Variants in PAAF1 observed in about 807,000 individuals in gnomAD.
PAAF1 encodes the protein proteasomal ATPase associated factor 1.
Under a neutral mutation model 52.8 loss-of-function variants are expected in PAAF1, and 46 were observed. The observed-to-expected ratio is 0.87, with a 90% CI of 0.69 to 1.11. The LOEUF is 1.11. Ranked by LOEUF, PAAF1 falls within the 50% of genes most tolerant of loss-of-function variation. PAAF1 has a pLI of 0.00. For synonymous variants in PAAF1, 178 were observed against 172.8 expected (o/e 1.03, Z -0.24); for missense variants, 424 against 477.4 (o/e 0.89, Z 1.04).
intron 9 of PAAF1, 95 bp from the exon 10 acceptor site, chr11:73,918,855 T>C (rs772972908): frequency 4.7e-6 from 4 of 843,958 alleles, no homozygotes; most frequent in Non-Finnish European, 7.7e-6. Context: ...CATTTTATCC[T>C]GTTTGCTCTT....
At chr11:73,911,192 G>T (rs1362169837) in intron 7 of PAAF1, among the ~76,000 whole-genome samples, 2 of 151,990 alleles carry the variant, frequency 1.3e-5, no homozygotes, top group African/African-American at 4.8e-5. Context: ...ATCCTATAGG[G>T]TCTGACAAGT....
In PAAF1 at chr11:73,909,501, G is replaced by A. The variant is rs751674448; in HGVS notation, c.635G>A (p.Gly212Glu). The A allele has an allele frequency of 1.9e-6, 3 of 1,614,216 alleles. No individual in the cohort carries two copies. Among genetic ancestry groups the A allele is most frequent in the Non-Finnish European group, 2.5e-6 (3 of 1,180,036 alleles). Residue 212 changes from glycine (G) to glutamate (E), a missense_variant, in exon 7 of 12, where the codon GGA becomes GAA. Transcript: ENST00000310571. ...LWDCGRSACLGVLADCGSSIN... is the reference protein window; with the variant it reads ...LWDCGRSACLEVLADCGSSIN... ...GATTGTGGGCGCTCAGCCTGCTTGGGAGTCCTTGCAGATTGTGGTTCTTCT... is the reference window on the plus strand; with the variant it reads ...GATTGTGGGCGCTCAGCCTGCTTGGAAGTCCTTGCAGATTGTGGTTCTTCT...
chr11:73,917,734 T>G (rs1246677407), intron 9 of PAAF1, among the ~76,000 whole-genome samples: 2 of 152,166 alleles, frequency 1.3e-5, no homozygotes, highest in Non-Finnish European at 2.9e-5. Flanking sequence ...TAGCTGGGCA[T>G]GGTGGCACGT....
intron 3 of PAAF1, chr11:73,889,361 C>A: frequency 1.7e-6 from 1 of 589,676 alleles, no homozygotes; most frequent in Non-Finnish European, 2.6e-6. Flanking sequence ...GCTTAAATGT[C>A]TAACCCTGGA....
intron 4 of PAAF1, among the ~76,000 whole-genome samples, chr11:73,893,719 A>G (rs1949264458): frequency 2.0e-5 from 3 of 148,096 alleles, no homozygotes; most frequent in South Asian, 2.2e-4. Flanking sequence ...CCTGGGAGAC[A>G]AAAGTGAAAC....
At chr11:73,900,100 T>A (rs1949555454) in intron 5 of PAAF1, among the ~76,000 whole-genome samples, 170 bp from the exon 6 acceptor site, 1 of 152,096 alleles carries the variant, frequency 6.6e-6, no homozygotes, top group African/African-American at 2.4e-5. Flanking sequence ...TTTAGAACAC[T>A]GCCTGCTAGA....
At chr11:73,881,013 T>C (rs879387022) in intron 2 of PAAF1, among the ~76,000 whole-genome samples, 10 of 151,858 alleles carry the variant, frequency 6.6e-5, no homozygotes, top group Non-Finnish European at 1.3e-4. Flanking sequence ...AATAAATAAA[T>C]AAATAAAATA....
chr11:73,887,421 A>G lies in PAAF1; in HGVS notation c.156A>G (p.Thr52=). 6.2e-7 allele frequency: 1 copy of G among 1,609,936 alleles called. No individual in the cohort carries two copies. Residue 52 remains threonine, a synonymous_variant, in exon 3 of 12, where the codon ACA becomes ACG. Coordinates refer to ENST00000310571, the MANE Select transcript of PAAF1 (RefSeq NM_025155.3). ...GCCTAGATGGCATCCCAGAGGTTAC[A>G]GCTTCAGAAGGATTTACTGTGAATG... ...GIGLDGIPEV[T]ASEGFTVNEI...
At chr11:73,921,564 A>G (rs1218981768) in intron 10 of PAAF1, 3 of 556,016 alleles carry the variant, frequency 5.4e-6, no homozygotes, top group Admixed American at 4.6e-5. Flanking sequence ...TCTCTTCTGT[A>G]TAAAACTTTA....
At chr11:73,890,723 T>A (rs886369884) in intron 3 of PAAF1, among the ~76,000 whole-genome samples, 1 of 152,366 alleles carries the variant, frequency 6.6e-6, no homozygotes, top group East Asian at 1.9e-4. Flanking sequence ...AGTTTCCTTA[T>A]ATCTCTTTAT....
chr11:73,926,777 A>G (rs1950373591), intron 11 of PAAF1, among the ~76,000 whole-genome samples: 1 of 152,160 alleles, frequency 6.6e-6, no homozygotes, highest in African/African-American at 2.4e-5. Flanking sequence ...CATTGTACAA[A>G]TGAGGCAACT....
intron 6 of PAAF1, among the ~76,000 whole-genome samples, chr11:73,900,970 A>C (rs1453936952): frequency 8.2e-6 from 1 of 122,220 alleles, no homozygotes; most frequent in Non-Finnish European, 1.6e-5. Flanking sequence ...CGACAGAGCG[A>C]GACTCCGTCT....
In PAAF1 at chr11:73,898,641, ACT is replaced by A. The variant is rs138170812; in HGVS notation, c.283-502_283-501del. Among the ~76,000 whole-genome samples the A allele has an allele frequency of 2.3e-3, 352 of 152,048 alleles. 1 individual carries two copies. Among genetic ancestry groups the A allele is most frequent in the African/African-American group, 8.1e-3 (337 of 41,484 alleles). On this transcript the variant is annotated intron_variant, in intron 4 of 11. Transcript: ENST00000310571. Reference sequence around the variant, plus strand: ...AGACTAACTTGGGCAACATGGTGAAACTCTGTCTCTACCGAAAAATACAGAAA... The same window carrying A: ...AGACTAACTTGGGCAACATGGTGAAACTGTCTCTACCGAAAAATACAGAAA...
intron 2 of PAAF1, among the ~76,000 whole-genome samples, chr11:73,884,612 G>A (rs540270550): frequency 5.3e-5 from 8 of 152,162 alleles, no homozygotes; most frequent in Non-Finnish European, 8.8e-5. Flanking sequence ...AACACAATAG[G>A]GAATCATGGA....
intron 6 of PAAF1, among the ~76,000 whole-genome samples, chr11:73,906,777 C>G (rs1055082578): frequency 6.6e-6 from 1 of 152,134 alleles, no homozygotes; most frequent in African/African-American, 2.4e-5. Context: ...TTGTACGTTA[C>G]GCTGAGTTGC....
At chr11:73,899,060 T>A (rs992731561) in intron 4 of PAAF1, 86 bp from the exon 5 acceptor site, 19 of 1,064,872 alleles carry the variant, frequency 1.8e-5, no homozygotes, top group Non-Finnish European at 2.5e-5. Context: ...CTTGGAAGAG[T>A]GAAAAAAGGG....
Position 73,909,538 on chromosome 11 carries a change from G to A in PAAF1, c.672G>A (p.Val224=). 6.2e-7 allele frequency: 1 copy of A among 1,614,174 alleles called. No individual in the cohort carries two copies. The highest frequency in any genetic ancestry group is 1.3e-5 in the African/African-American group (1 of 75,044). The part of the protein sequence containing the change: ...LADCGSSING[V]AVGAADNSIN... ...ATTGTGGTTCTTCTATCAATGGAGT[G>A]GCGGTGGGTGCTGCTGACAACTCCA... is the stretch of plus-strand genomic sequence containing the variant. Residue 224 remains valine, a synonymous_variant, in exon 7 of 12, where the codon GTG becomes GTA. Coordinates refer to ENST00000310571, the MANE Select transcript of PAAF1 (RefSeq NM_025155.3).
At chr11:73,914,529 G>C in intron 8 of PAAF1, 25 bp downstream of exon 8, 1 of 1,596,644 alleles carries the variant, frequency 6.3e-7, no homozygotes, top group East Asian at 2.2e-5. Context: ...TATGACCTTT[G>C]AACTCTGAGG....
chr11:73,916,418 G>A, intron 8 of PAAF1, 127 bp from the exon 9 acceptor site: 1 of 632,032 alleles, frequency 1.6e-6, no homozygotes, highest in Middle Eastern at 2.8e-4. Flanking sequence ...TACCATTTGA[G>A]AATAATTAAA....
Sources: allele counts gnomAD v4.1 joint callset (sites outside exome capture counted in the v4.1 genomes callset), GRCh38; gene constraint gnomAD v4.1.1; transcripts MANE v1.5; gene names NCBI Gene and HGNC (gene_info 2026-07-23, HGNC 2026-07-21).